SLIT2: variants seen among roughly 807,000 people sequenced by gnomAD.
The protein encoded by SLIT2 is slit homolog 2 protein.
In SLIT2, 41 loss-of-function variants were observed where a neutral mutation model predicts 185.7. That is an observed-to-expected ratio of 0.22 (90% CI 0.17 to 0.29). The LOEUF (loss-of-function observed/expected upper bound fraction) is 0.29. SLIT2 is among the 10% of genes least tolerant of loss of function. The pLI, the probability that SLIT2 is intolerant of heterozygous loss-of-function variation, is 1.00. For missense variants in SLIT2, 1,571 were observed against 1,909.0 expected (o/e 0.82, Z 3.30); for synonymous variants, 693 against 680.2 (o/e 1.02, Z -0.29).
chr4:20,258,003 C>A (rs1453614297), intron 3 of SLIT2, 64 bp downstream of exon 3: 2 of 729,840 alleles, frequency 2.7e-6, no homozygotes, highest in Non-Finnish European at 4.7e-6. Context: ...ACTTAAATTT[C>A]AAGCATCATG....
intron 26 of SLIT2, among the ~76,000 whole-genome samples, chr4:20,558,332 G>A (rs1724430983): frequency 6.6e-6 from 1 of 151,976 alleles, no homozygotes; most frequent in Non-Finnish European, 1.5e-5. Flanking sequence ...CCAACCTTCA[G>A]CAACCATTAC....
At chr4:20,284,697 T>C (rs1379368689) in intron 4 of SLIT2, among the ~76,000 whole-genome samples, 1 of 152,196 alleles carries the variant, frequency 6.6e-6, no homozygotes, top group African/African-American at 2.4e-5. Flanking sequence ...TGTAATATAT[T>C]AATTCTGTTT....
intron 4 of SLIT2, among the ~76,000 whole-genome samples, chr4:20,457,478 G>T (rs1355655253): frequency 1.3e-5 from 2 of 151,864 alleles, no homozygotes; most frequent in Non-Finnish European, 2.9e-5. Context: ...CCCTTGGCAA[G>T]AAAAAATGTA....
chr4:20,594,116 T>C (rs117082819), intron 30 of SLIT2, among the ~76,000 whole-genome samples: 6,158 of 149,750 alleles, frequency 0.041, 191 homozygotes, highest in South Asian at 0.077. Context: ...CACATATATA[T>C]ACACATGTGC....
intron 33 of SLIT2, among the ~76,000 whole-genome samples, chr4:20,605,320 G>A (rs1027281159): frequency 6.6e-6 from 1 of 152,188 alleles, no homozygotes; most frequent in Non-Finnish European, 1.5e-5. Context: ...TTATTTTTCT[G>A]TAGCAGACCA....
At position 20,546,033 on chromosome 4, in the gene SLIT2, A is replaced by G. The variant is rs1723220802; in HGVS notation, c.2279A>G (p.Tyr760Cys). ...KGIPRDVTEL[Y>C]LDGNQFTLVP... ...TAATATTGTTCCATTGTTTTTAGGT[A>G]TCTGGATGGAAACCAATTTACACTG... Residue 760 changes from tyrosine (Y) to cysteine (C), a missense_variant and splice_region_variant, in exon 22 of 37, where the codon TAT (tyrosine) becomes TGT (cysteine). By Grantham distance (194) the Tyr-to-Cys change is radical (BLOSUM62 -2). This residue lies in a region of SLIT2 where 1,202 missense variants were observed against 1,416.4 expected (regional missense o/e 0.85). Transcript: ENST00000504154. 2 of 1,542,910 alleles carry G rather than the reference A, an allele frequency of 1.3e-6. No individual in the cohort carries two copies. Among genetic ancestry groups the G allele is most frequent in the Admixed American group, 1.7e-5 (1 of 57,360 alleles).
At chr4:20,463,448 G>GATAGATAGATAGATATATATAT (rs1459962322) in intron 4 of SLIT2, among the ~76,000 whole-genome samples, 1 of 67,318 alleles carries the variant, frequency 1.5e-5, no homozygotes, top group African/African-American at 5.9e-5. Flanking sequence ...CTCAAACTGT[G>GATAGATAGATAGATATATATAT]ATATATATAT....
intron 29 of SLIT2, among the ~76,000 whole-genome samples, chr4:20,578,744 C>G (rs2148930799): frequency 6.6e-6 from 1 of 152,274 alleles, no homozygotes; most frequent in Middle Eastern, 3.4e-3. Flanking sequence ...TTGTTGTAGA[C>G]ATGCCCAATT....
chr4:20,411,906 G>A (rs893216759), intron 4 of SLIT2, among the ~76,000 whole-genome samples: 3 of 152,152 alleles, frequency 2.0e-5, no homozygotes, highest in East Asian at 1.9e-4. Flanking sequence ...GAGGACAGCC[G>A]CATAAGAGGA....
At position 20,596,672 on chromosome 4, in the gene SLIT2, T is replaced by C; in HGVS notation, c.3561+17T>C. ...ACACTTCAGGTAAGAGATCTCTCTC[T>C]ATGGAGAGATGATCGGATCTTAAAA... On this transcript the variant is annotated intron_variant, in intron 32 of 36. Transcript: ENST00000504154. 6.2e-7 allele frequency: 1 copy of C among 1,602,944 alleles called. No individual in the cohort carries two copies.
chr4:20,292,752 T>C (rs376754948), intron 4 of SLIT2, among the ~76,000 whole-genome samples: 51 of 152,368 alleles, frequency 3.3e-4, no homozygotes, highest in African/African-American at 1.2e-3. Flanking sequence ...ATTTGTCTGT[T>C]TTTTGAAGAG....
intron 4 of SLIT2, among the ~76,000 whole-genome samples, chr4:20,284,997 C>T (rs1256033929): frequency 6.6e-6 from 1 of 152,210 alleles, no homozygotes; most frequent in African/African-American, 2.4e-5. Context: ...GCATGTACTT[C>T]TGACATTTTT....
intron 9 of SLIT2, among the ~76,000 whole-genome samples, chr4:20,504,928 T>C (rs1322924099): frequency 6.9e-6 from 1 of 145,576 alleles, no homozygotes; most frequent in African/African-American, 2.5e-5. Context: ...CTCTTTAAAC[T>C]TGATCACAGG....
chr4:20,308,052 G>A (rs906797181), intron 4 of SLIT2, among the ~76,000 whole-genome samples: 22 of 152,298 alleles, frequency 1.4e-4, no homozygotes, highest in African/African-American at 5.3e-4. Flanking sequence ...GATTTTTAGT[G>A]ATAAGTGCTT....
intron 31 of SLIT2, 102 bp from the exon 32 acceptor site, chr4:20,596,313 A>C (rs1727972368): frequency 3.1e-3 from 2,577 of 822,516 alleles, no homozygotes; most frequent in Non-Finnish European, 4.2e-3. Flanking sequence ...AAAACAAGGA[A>C]GTGCACATAT....
Position 20,254,505 on chromosome 4 carries a change from A to C in SLIT2, c.179+511A>C, listed in dbSNP as rs920720968. On this transcript the variant is annotated intron_variant, in intron 1 of 36. Transcript: ENST00000504154. This position sits in a 1 kb window ranked among gnomAD's most constrained non-coding sequence, Gnocchi z 5.1. ...ACCCTCCTGGGGGCGAAGGTTAGGA[A>C]GAAGGGGTCATGGAGTGCCTGGGGG... Among the ~76,000 whole-genome samples, 1 of 151,970 alleles carries C rather than the reference A, an allele frequency of 6.6e-6. No individual in the cohort carries two copies. Among genetic ancestry groups the C allele is most frequent in the African/African-American group, 2.4e-5 (1 of 41,394 alleles).
chr4:20,539,642 G>A, intron 19 of SLIT2, 58 bp downstream of exon 19: 2 of 1,148,334 alleles, frequency 1.7e-6, no homozygotes, highest in Non-Finnish European at 2.4e-6. Context: ...ATTTGTTAAT[G>A]TATTTAATAT....
chr4:20,415,534 A>G (rs1313196984), intron 4 of SLIT2, among the ~76,000 whole-genome samples: 2 of 151,582 alleles, frequency 1.3e-5, no homozygotes, highest in African/African-American at 4.8e-5. Context: ...TATAATTTTG[A>G]TCACTTAACT....
chr4:20,394,405 T>C (rs1560384846), intron 4 of SLIT2: 1 of 152,006 alleles, frequency 6.6e-6, no homozygotes, highest in East Asian at 1.9e-4. Context: ...GTTTAGAGTC[T>C]TTGTTAGGCT....
Sources: gnomAD v4.1 joint callset for allele counts (sites outside exome capture counted in the v4.1 genomes callset) on GRCh38, gnomAD v4.1.1 for gene constraint, gnomAD v4.1.1 regional missense constraint, Gnocchi (gnomAD v3.1) non-coding constraint, MANE v1.5 for transcripts, NCBI Gene and HGNC (gene_info 2026-07-23, HGNC 2026-07-21) for gene names.